The following ZCCHC14 variants were observed in gnomAD, a reference collection of about 807,000 sequenced individuals.
ZCCHC14 encodes the protein zinc finger CCHC domain-containing protein 14.
In ZCCHC14, 16 loss-of-function variants were observed where a neutral mutation model predicts 85.0. The observed-to-expected ratio is 0.19, with a 90% CI of 0.13 to 0.29. The LOEUF (loss-of-function observed/expected upper bound fraction) is 0.29. Among genes scored for constraint, ZCCHC14 ranks in the 10% least tolerant of loss-of-function variants. The pLI is 1.00. For synonymous variants in ZCCHC14, 775 were observed against 630.7 expected, an observed-to-expected ratio of 1.23 and a Z score of -3.43; for missense variants, 1,303 against 1,443.5, an observed-to-expected ratio of 0.90 and a Z score of 1.58.
At chr16:87,422,934 C>T (rs997967142) in intron 4 of ZCCHC14, among the ~76,000 whole-genome samples, 2 of 151,974 alleles carry the variant, frequency 1.3e-5, no homozygotes, top group East Asian at 1.9e-4. Context: ...CCCTCGAAGG[C>T]GTGGCACTGT....
chr16:87,450,234 T>A (rs1380322347), intron 2 of ZCCHC14, among the ~76,000 whole-genome samples: 1 of 152,258 alleles, frequency 6.6e-6, no homozygotes, highest in Non-Finnish European at 1.5e-5. Context: ...AAAACTGTGT[T>A]CTTAAGACTT....
At chr16:87,443,150 G>A (rs944959196) in intron 2 of ZCCHC14, among the ~76,000 whole-genome samples, 18 of 152,172 alleles carry the variant, frequency 1.2e-4, no homozygotes, top group South Asian at 2.1e-4. Flanking sequence ...TCATTAACGC[G>A]GTCCCAAGCA....
intron 1 of ZCCHC14, chr16:87,472,530 A>T (rs1217687340): frequency 6.6e-6 from 1 of 152,424 alleles, no homozygotes; most frequent in East Asian, 1.9e-4. Context: ...GTCGGGGAGA[A>T]ACCAATCAGA....
intron 9 of ZCCHC14, among the ~76,000 whole-genome samples, chr16:87,414,972 C>A (rs973548540): frequency 6.6e-6 from 1 of 152,162 alleles, no homozygotes; most frequent in African/African-American, 2.4e-5. Flanking sequence ...ATCCCAGGTA[C>A]TTGGGAGACT....
intron 1 of ZCCHC14, among the ~76,000 whole-genome samples, chr16:87,475,630 G>C (rs1326234519): frequency 6.7e-6 from 1 of 150,214 alleles, no homozygotes; most frequent in Non-Finnish European, 1.5e-5. Flanking sequence ...TCCTGTGGAC[G>C]AGCTTTAACA....
chr16:87,414,841 G>A (rs1340958866), intron 9 of ZCCHC14, among the ~76,000 whole-genome samples: 1 of 152,256 alleles, frequency 6.6e-6, no homozygotes, highest in African/African-American at 2.4e-5. Context: ...AGCACTTTGG[G>A]AGGCCCAGGC....
intron 3 of ZCCHC14, among the ~76,000 whole-genome samples, chr16:87,431,487 A>AAAAAAG (rs1197880564): frequency 2.6e-5 from 4 of 151,648 alleles, no homozygotes; most frequent in African/African-American, 9.7e-5. Flanking sequence ...AAAAAAAAAA[A>AAAAAAG]AAAAGAAAAG....
intron 9 of ZCCHC14, among the ~76,000 whole-genome samples, 172 bp downstream of exon 9, chr16:87,415,104 T>C (rs1908715597): frequency 6.6e-6 from 1 of 152,002 alleles, no homozygotes. Flanking sequence ...TAAATAAAAA[T>C]AATCCGTCTC....
At position 87,437,192 on chromosome 16, in the gene ZCCHC14, C is replaced by T. The variant is rs577605898; in HGVS notation, c.695-3991G>A. Among the ~76,000 whole-genome samples, 153 of 151,818 alleles carry T rather than the reference C, an allele frequency of 1.0e-3. 1 individual carries two copies. Among genetic ancestry groups the T allele is most frequent in the African/African-American group, 3.5e-3 (144 of 41,396 alleles). Reference sequence around the variant, plus strand: ...TCTCTAGTAAAAATACAAAATTAGCCGGGCGTGGTGGCTCATGCCTGTAAT... The same window carrying T: ...TCTCTAGTAAAAATACAAAATTAGCTGGGCGTGGTGGCTCATGCCTGTAAT... On this transcript the variant is annotated intron_variant, in intron 2 of 12. Transcript: ENST00000671377.
At chr16:87,487,578 TG>T (rs2150780105) in intron 1 of ZCCHC14, among the ~76,000 whole-genome samples, 1 of 152,214 alleles carries the variant, frequency 6.6e-6, no homozygotes, top group East Asian at 1.9e-4. Context: ...ATCCACCAGG[TG>T]GAACAGGAGC....
At chr16:87,457,024 C>T (rs1193715153) in intron 2 of ZCCHC14, among the ~76,000 whole-genome samples, 1 of 152,136 alleles carries the variant, frequency 6.6e-6, no homozygotes, top group Non-Finnish European at 1.5e-5. Flanking sequence ...AACAGCTTCC[C>T]TAAGTTTCAG....
Position 87,491,898 on chromosome 16 carries a change from G to A in ZCCHC14, c.341C>T (p.Ser114Phe). 1 of 1,530,736 alleles carries A rather than the reference G, an allele frequency of 6.5e-7. No individual in the cohort carries two copies. Among genetic ancestry groups the A allele is most frequent in the Non-Finnish European group, 8.7e-7 (1 of 1,146,902 alleles). The allele number at this position is 1,530,736 out of a possible 1,614,324, so 94.8% of individuals were successfully genotyped here. The change falls in exon 1 of 13, where the codon TCC (serine) becomes TTC (phenylalanine). Residue 114 changes from serine (S) to phenylalanine (F), a missense_variant. Around this residue, in one of 7 missense-constraint regions of ZCCHC14, gnomAD observed 19 missense variants for 55.1 expected, o/e 0.34. Coordinates refer to ENST00000671377, the MANE Select transcript of ZCCHC14 (RefSeq NM_015144.3). The surrounding 1 kb of genome is among the most constrained non-coding windows in gnomAD (Gnocchi z 5.9). ...VLYRTLTHID[S>F]IIHNYGLQLN... ...CTGCAGCCCGTAGTTGTGGATGATG[G>A]AGTCGATGTGCGTGAGCGTGCGGTA...
At chr16:87,414,584 T>C in intron 9 of ZCCHC14, 43 bp from the exon 10 acceptor site, 2 of 1,577,352 alleles carry the variant, frequency 1.3e-6, no homozygotes, top group South Asian at 2.3e-5. Flanking sequence ...CACTGCCTAC[T>C]GGTGCTGCCT....
intron 2 of ZCCHC14, among the ~76,000 whole-genome samples, chr16:87,440,988 C>A (rs1394134614): frequency 6.6e-6 from 1 of 151,216 alleles, no homozygotes; most frequent in Non-Finnish European, 1.5e-5. Flanking sequence ...TATACATATG[C>A]GACTGTTCCC....
intron 4 of ZCCHC14, among the ~76,000 whole-genome samples, chr16:87,422,017 G>A (rs993510340): frequency 1.3e-5 from 2 of 152,288 alleles, no homozygotes; most frequent in African/African-American, 4.8e-5. Flanking sequence ...CTCAGATGTG[G>A]GACCTAGTGA....
Position 87,433,161 on chromosome 16 carries a change from T to C in ZCCHC14, c.735A>G (p.Thr245=), listed in dbSNP as rs751673714. ...EKIDLKGLSH[T]KNDRNVECSF... ...AACATTCAACATTTCTGTCATTTTT[T>C]GTGTGTGATAATCCCTTCAGGTCTA... is the stretch of plus-strand genomic sequence containing the variant. Residue 245 remains threonine, a synonymous_variant, in exon 3 of 13, where the codon ACA becomes ACG. Transcript: ENST00000671377. The C allele has an allele frequency of 2.5e-6, 4 of 1,614,238 alleles. No individual in the cohort carries two copies. Among genetic ancestry groups the C allele is most frequent in the Non-Finnish European group, 3.4e-6 (4 of 1,180,042 alleles).
intron 1 of ZCCHC14, 123 bp from the exon 2 acceptor site, chr16:87,460,254 T>C: frequency 7.8e-7 from 1 of 1,288,904 alleles, no homozygotes; most frequent in Non-Finnish European, 1.0e-6. Flanking sequence ...ACATGTATTA[T>C]TATAATAATA....
intron 7 of ZCCHC14, chr16:87,418,043 C>T (rs1341306975): frequency 2.4e-6 from 1 of 419,070 alleles, no homozygotes; most frequent in Non-Finnish European, 4.3e-6. Flanking sequence ...CTTGTGTGTA[C>T]GTATGTGTAT....
At chr16:87,437,443 A>G (rs1402740515) in intron 2 of ZCCHC14, among the ~76,000 whole-genome samples, 1 of 152,118 alleles carries the variant, frequency 6.6e-6, no homozygotes, top group East Asian at 1.9e-4. Context: ...CGCTGGCCAG[A>G]AAGCCTCCGT....
Sources: allele counts gnomAD v4.1 joint callset (sites outside exome capture counted in the v4.1 genomes callset), GRCh38; gene constraint gnomAD v4.1.1; regional missense constraint gnomAD v4.1.1; non-coding constraint Gnocchi (gnomAD v3.1); transcripts MANE v1.5; gene names NCBI Gene and HGNC (gene_info 2026-07-23, HGNC 2026-07-21).